PDE6C: variants seen among roughly 807,000 people sequenced by gnomAD.
PDE6C encodes the protein phosphodiesterase 6C.
A neutral mutation model predicts 113.1 loss-of-function variants in PDE6C; 75 were observed. The observed-to-expected ratio is 0.66, with a 90% CI of 0.55 to 0.80. The LOEUF (loss-of-function observed/expected upper bound fraction) is 0.80. PDE6C is among the 30% of genes least tolerant of loss of function. The probability of loss-of-function intolerance (pLI) is 0.00; values close to 1 mark genes in which losing one functional copy is unlikely to be tolerated. For synonymous variants in PDE6C, 375 were observed against 363.7 expected (o/e 1.03, Z -0.35); for missense variants, 912 against 1,038.6 (o/e 0.88, Z 1.67).
At chr10:93,621,102 A>C in intron 3 of PDE6C, 122 bp downstream of exon 3, 1 of 793,818 alleles carries the variant, frequency 1.3e-6, no homozygotes, top group Non-Finnish European at 2.2e-6. Context: ...ACAGATCCCC[A>C]AACTTCAGTC....
intron 21 of PDE6C, among the ~76,000 whole-genome samples, chr10:93,664,986 A>T (rs1460793687): frequency 6.6e-6 from 1 of 152,140 alleles, no homozygotes; most frequent in East Asian, 1.9e-4. Context: ...CTCCCACCTC[A>T]GCCTCCTGAG....
intron 1 of PDE6C, among the ~76,000 whole-genome samples, chr10:93,618,949 T>TGAAAATAA (rs1053163695): frequency 5.3e-5 from 8 of 152,112 alleles, no homozygotes; most frequent in African/African-American, 1.9e-4. Flanking sequence ...CACAGGGAAA[T>TGAAAATAA]GAAAATAATA....
At chr10:93,628,686 G>A (rs574616280) in intron 7 of PDE6C, among the ~76,000 whole-genome samples, 2 of 151,152 alleles carry the variant, frequency 1.3e-5, no homozygotes, top group African/African-American at 2.4e-5. Flanking sequence ...TATGACCCAA[G>A]GTACAGAAAA....
At position 93,658,891 on chromosome 10, in the gene PDE6C, T is replaced by G. The variant is rs766195189; in HGVS notation, c.2037-10T>G. 6.5e-7 allele frequency: 1 copy of G among 1,530,162 alleles called. No individual in the cohort carries two copies. Among genetic ancestry groups the G allele is most frequent in the East Asian group, 2.3e-5 (1 of 44,270 alleles). The allele number at this position is 1,530,162 out of a possible 1,614,324, so 94.8% of individuals were successfully genotyped here. On this transcript the variant is annotated splice_polypyrimidine_tract_variant and intron_variant, in intron 16 of 21. Coordinates refer to ENST00000371447, the MANE Select transcript of PDE6C (RefSeq NM_006204.4). ...GCTAAAATTGTTGCTCACAGCTGTA[T>G]CTTTTCTAGGAAGAGGACCATGTTT...
At chr10:93,655,660 A>AAT in intron 15 of PDE6C, 100 bp from the exon 16 acceptor site, 1 of 716,314 alleles carries the variant, frequency 1.4e-6, no homozygotes. Flanking sequence ...CAAACAAAAA[A>AAT]GTGTTGAAAG....
At chr10:93,639,261 C>T (rs974474561) in intron 11 of PDE6C, among the ~76,000 whole-genome samples, 3 of 152,186 alleles carry the variant, frequency 2.0e-5, no homozygotes, top group Non-Finnish European at 4.4e-5. Flanking sequence ...GTTTCTCCCT[C>T]GGCATGGAGC....
In PDE6C at chr10:93,665,464, G is replaced by A. The variant is rs1413600546; in HGVS notation, c.*46G>A. The A allele has an allele frequency of 8.3e-7, 1 of 1,202,882 alleles. No individual in the cohort carries two copies. The highest frequency in any genetic ancestry group is 1.7e-5 in the Admixed American group (1 of 59,336). The allele number at this position is 1,202,882 out of a possible 1,614,324, so 74.5% of individuals were successfully genotyped here. The stretch of plus-strand genomic sequence containing the variant: ...CTTCAAATATCATTTTACCTTTGAA[G>A]AAAACCAGAAAACATTCAAAAGAAC... On this transcript the variant is annotated 3_prime_UTR_variant, in exon 22 of 22. Coordinates refer to ENST00000371447, the MANE Select transcript of PDE6C (RefSeq NM_006204.4).
At chr10:93,655,373 G>A (rs1003222511) in intron 15 of PDE6C, among the ~76,000 whole-genome samples, 6 of 151,900 alleles carry the variant, frequency 3.9e-5, no homozygotes, top group Non-Finnish European at 8.8e-5. Flanking sequence ...TCTGACAGTT[G>A]GACTTCTCCC....
chr10:93,622,685 TCTATAGTTTTTGCC>T (rs2058454456), intron 4 of PDE6C, among the ~76,000 whole-genome samples: 1 of 141,412 alleles, frequency 7.1e-6, no homozygotes, highest in African/African-American at 2.6e-5. Context: ...TTTTGCTGTT[TCTATAGTTTTTGCC>T]TTTTCCAGAA....
intron 11 of PDE6C, among the ~76,000 whole-genome samples, chr10:93,637,782 G>C (rs1321782528): frequency 6.6e-6 from 1 of 152,128 alleles, no homozygotes; most frequent in Non-Finnish European, 1.5e-5. Context: ...AGAATCACCT[G>C]TAGATCTGAT....
chr10:93,613,207 T>A lies in PDE6C; in HGVS notation c.480+2T>A, dbSNP rs1177323232. ...CATAATGTCCCAGATGTGAAAAAGGTAGGTGGCCTTATGACAGTGGGGCAG... is the reference window on the plus strand; with the variant it reads ...CATAATGTCCCAGATGTGAAAAAGGAAGGTGGCCTTATGACAGTGGGGCAG... On this transcript the variant is annotated splice_donor_variant, in intron 1 of 21. Coordinates refer to ENST00000371447, the MANE Select transcript of PDE6C (RefSeq NM_006204.4). LOFTEE classifies it high-confidence loss of function. 6.2e-7 allele frequency: 1 copy of A among 1,613,320 alleles called. No homozygotes were observed. The highest frequency in any genetic ancestry group is 1.1e-5 in the South Asian group (1 of 91,068).
intron 7 of PDE6C, among the ~76,000 whole-genome samples, chr10:93,628,570 A>G (rs10882287): frequency 0.37 from 55,810 of 151,986 alleles, 10,469 homozygotes; most frequent in East Asian, 0.46. Context: ...GGGAAACAGA[A>G]CAAAAACTCC....
chr10:93,661,827 G>T (rs937604115), intron 18 of PDE6C, among the ~76,000 whole-genome samples: 2 of 152,130 alleles, frequency 1.3e-5, no homozygotes, highest in African/African-American at 2.4e-5. Context: ...TCGTAAATGG[G>T]AGATAGATAC....
intron 14 of PDE6C, among the ~76,000 whole-genome samples, chr10:93,643,584 C>T (rs1468687945): frequency 6.6e-6 from 1 of 151,688 alleles, no homozygotes; most frequent in Non-Finnish European, 1.5e-5. Context: ...AGAGACAGGG[C>T]CTCCCTATGT....
chr10:93,628,322 C>A (rs949167393), intron 7 of PDE6C, among the ~76,000 whole-genome samples: 9 of 152,052 alleles, frequency 5.9e-5, no homozygotes, highest in African/African-American at 1.4e-4. Flanking sequence ...TGGTGGCTCA[C>A]GCCTGTAATC....
intron 14 of PDE6C, among the ~76,000 whole-genome samples, chr10:93,645,456 G>A (rs1011072330): frequency 3.3e-5 from 5 of 152,012 alleles, no homozygotes; most frequent in African/African-American, 9.7e-5. Flanking sequence ...TACCCTGAAG[G>A]CATTGAAGAA....
At chr10:93,661,741 C>T (rs1033350823) in intron 18 of PDE6C, among the ~76,000 whole-genome samples, 5 of 152,134 alleles carry the variant, frequency 3.3e-5, no homozygotes, top group African/African-American at 4.8e-5. Context: ...AAAGAACAAC[C>T]GGCGAAGTGT....
rs185163825 is a variant in PDE6C, at chr10:93,660,145, T to G, written c.2208+978T>G. On this transcript the variant is annotated intron_variant, in intron 18 of 21. Transcript: ENST00000371447. ...AAAAGATAGAATAATTAGAACTCAGTGTAGGGGAGAAAAAATATCTATTTC... is the reference window on the plus strand; with the variant it reads ...AAAAGATAGAATAATTAGAACTCAGGGTAGGGGAGAAAAAATATCTATTTC... Among the ~76,000 whole-genome samples the G allele has an allele frequency of 9.9e-4, 150 of 152,280 alleles. 1 individual carries two copies. The highest frequency in any genetic ancestry group is 3.4e-3 in the African/African-American group (141 of 41,562).
chr10:93,641,441 C>T (rs1377335987), intron 14 of PDE6C, among the ~76,000 whole-genome samples: 3 of 151,978 alleles, frequency 2.0e-5, no homozygotes, highest in Non-Finnish European at 2.9e-5. Context: ...ACCAACCTGG[C>T]CAACATGGTG....
Sources: allele counts gnomAD v4.1 joint callset (sites outside exome capture counted in the v4.1 genomes callset), GRCh38; gene constraint gnomAD v4.1.1; transcripts MANE v1.5; gene names NCBI Gene and HGNC (gene_info 2026-07-23, HGNC 2026-07-21).